The following DNAI7 variants were observed in gnomAD, a reference collection of about 807,000 sequenced individuals.
The protein encoded by DNAI7 is cancer susceptibility 1.
In DNAI7, 78 loss-of-function variants were observed where a neutral mutation model predicts 86.6. The observed-to-expected ratio is 0.90, with a 90% CI of 0.75 to 1.09. The LOEUF (loss-of-function observed/expected upper bound fraction) is 1.09. Ranked by LOEUF, DNAI7 falls within the 50% of genes least tolerant of loss-of-function variation. DNAI7 has a pLI of 0.00. For synonymous variants in DNAI7, 274 were observed against 273.0 expected (o/e 1.00, Z -0.04); for missense variants, 753 against 810.2 (o/e 0.93, Z 0.86).
chr12:25,164,617 T>G (rs1019226349), intron 2 of DNAI7, among the ~76,000 whole-genome samples: 1 of 152,110 alleles, frequency 6.6e-6, no homozygotes, highest in South Asian at 2.1e-4. Context: ...TGTCACAAAA[T>G]AGGCAAACGG....
intron 3 of DNAI7, 138 bp from the exon 4 acceptor site, chr12:25,158,701 G>A (rs1946500252): frequency 2.0e-6 from 3 of 1,489,590 alleles, no homozygotes; most frequent in Non-Finnish European, 2.7e-6. Context: ...TGGTAGATAT[G>A]AGAAAAGTGT....
At chr12:25,161,273 T>C in intron 2 of DNAI7, 76 bp from the exon 3 acceptor site, 9 of 1,279,320 alleles carry the variant, frequency 7.0e-6, no homozygotes, top group Middle Eastern at 1.8e-4. Flanking sequence ...CAAATACTAA[T>C]TATGAAAAAC....
chr12:25,134,379 CAG>C (rs1167708746), intron 9 of DNAI7, among the ~76,000 whole-genome samples: 2 of 65,314 alleles, frequency 3.1e-5, no homozygotes, highest in African/African-American at 5.4e-5. Context: ...TTTTTTGAGA[CAG>C]AGTCTCACTC....
intron 7 of DNAI7, among the ~76,000 whole-genome samples, chr12:25,147,864 A>T (rs1945068036): frequency 6.6e-6 from 1 of 152,208 alleles, no homozygotes; most frequent in Non-Finnish European, 1.5e-5. Context: ...CAAAATATCT[A>T]GCTTATAAAA....
At chr12:25,117,069 G>GGTAGGA (rs1940263296) in intron 12 of DNAI7, among the ~76,000 whole-genome samples, 1 of 150,706 alleles carries the variant, frequency 6.6e-6, no homozygotes, top group South Asian at 2.1e-4. Flanking sequence ...GGGTAGCTGG[G>GGTAGGA]ACTACAGGCA....
intron 9 of DNAI7, among the ~76,000 whole-genome samples, chr12:25,136,065 G>A (rs970523482): frequency 1.1e-4 from 17 of 152,114 alleles, no homozygotes; most frequent in African/African-American, 3.9e-4. Context: ...TCTTGAAAGC[G>A]CCACCTCCTG....
chr12:25,168,350 C>T (rs995549104), intron 2 of DNAI7, among the ~76,000 whole-genome samples: 2 of 152,066 alleles, frequency 1.3e-5, no homozygotes, highest in African/African-American at 2.4e-5. Context: ...CCTCTGACAC[C>T]GACACGACAA....
At chr12:25,173,831 C>T (rs955241396) in intron 2 of DNAI7, among the ~76,000 whole-genome samples, 2 of 136,082 alleles carry the variant, frequency 1.5e-5, no homozygotes, top group African/African-American at 3.0e-5. Flanking sequence ...CATATATATA[C>T]CACATCATAT....
rs988112038 is a variant in DNAI7 at position 25,173,780 on chromosome 12, T to TAC, written c.22-12585_22-12584dup. Among the ~76,000 whole-genome samples the TAC allele has an allele frequency of 3.3e-5, 5 of 151,186 alleles. No individual in the cohort carries two copies. In the Admixed American group the frequency reaches 3.3e-4, roughly 10 times the overall value. Reference sequence around the variant, plus strand: ...CACATGCACACACAAATCATATATATACACACATCATATATATACACACAC... The same window carrying TAC: ...CACATGCACACACAAATCATATATATACACACACATCATATATATACACACAC... On this transcript the variant is annotated intron_variant, in intron 2 of 15. Transcript: ENST00000395987.
chr12:25,118,333 G>T (rs1565636512), intron 12 of DNAI7, among the ~76,000 whole-genome samples: 1 of 151,836 alleles, frequency 6.6e-6, no homozygotes, highest in Admixed American at 6.6e-5. Flanking sequence ...GCGCCATCTT[G>T]GCTCACTGCA....
At chr12:25,155,043 A>G (rs1945985172) in intron 5 of DNAI7, among the ~76,000 whole-genome samples, 1 of 152,206 alleles carries the variant, frequency 6.6e-6, no homozygotes, top group Non-Finnish European at 1.5e-5. Flanking sequence ...CAAAGCTTTT[A>G]CGTTTTAATT....
chr12:25,137,639 C>G (rs1180496650), intron 9 of DNAI7, among the ~76,000 whole-genome samples: 2 of 152,094 alleles, frequency 1.3e-5, no homozygotes, highest in Non-Finnish European at 2.9e-5. Context: ...AACCTGTTGT[C>G]TCCAAGAGAC....
intron 2 of DNAI7, among the ~76,000 whole-genome samples, chr12:25,162,935 G>A (rs973517111): frequency 6.6e-6 from 1 of 152,184 alleles, no homozygotes; most frequent in Non-Finnish European, 1.5e-5. Context: ...TCCAGATTGT[G>A]AATTTTAGCT....
At chr12:25,139,739 C>T (rs1321755455) in intron 9 of DNAI7, among the ~76,000 whole-genome samples, 1 of 152,040 alleles carries the variant, frequency 6.6e-6, no homozygotes, top group Non-Finnish European at 1.5e-5. Context: ...AGGAGAAATA[C>T]CTAATGTAGA....
At chr12:25,164,618 A>G (rs1382875076) in intron 2 of DNAI7, among the ~76,000 whole-genome samples, 5 of 152,324 alleles carry the variant, frequency 3.3e-5, no homozygotes, top group Admixed American at 1.3e-4. Flanking sequence ...GTCACAAAAT[A>G]GGCAAACGGT....
chr12:25,190,812 TAA>T (rs1950450109), intron 1 of DNAI7, among the ~76,000 whole-genome samples, 181 bp from the exon 2 acceptor site: 1 of 152,198 alleles, frequency 6.6e-6, no homozygotes, highest in South Asian at 2.1e-4. Context: ...AATGCTTTTT[TAA>T]AAAGAGTTCA....
intron 2 of DNAI7, among the ~76,000 whole-genome samples, chr12:25,180,267 C>T (rs557082493): frequency 6.6e-6 from 1 of 152,214 alleles, no homozygotes; most frequent in South Asian, 2.1e-4. Flanking sequence ...AACTACAAAA[C>T]ACTGCTGAAA....
At position 25,121,946 on chromosome 12, in the gene DNAI7, G is replaced by A. The variant is rs199752716; in HGVS notation, c.1079-33C>T. On this transcript the variant is annotated intron_variant, in intron 10 of 15. Coordinates refer to ENST00000395987, the MANE Select transcript of DNAI7 (RefSeq NM_018272.5). ...TAATCAGATTAACAGTTTTCAAATA[G>A]ATTACAGTTTAGTATGTTCTTAGGA... The A allele has an allele frequency of 1.2e-4, 174 of 1,435,590 alleles. No individual in the cohort carries two copies. In the African/African-American group the frequency reaches 2.1e-3, roughly 17 times the overall value. The allele number at this position is 1,435,590 out of a possible 1,614,324, so 88.9% of individuals were successfully genotyped here.
At chr12:25,177,009 TC>T (rs1329461729) in intron 2 of DNAI7, among the ~76,000 whole-genome samples, 1 of 151,246 alleles carries the variant, frequency 6.6e-6, no homozygotes, top group Non-Finnish European at 1.5e-5. Flanking sequence ...TTCAAGCAAT[TC>T]TCCTGCCTCA....
Sources: gnomAD v4.1 joint callset for allele counts (sites outside exome capture counted in the v4.1 genomes callset) on GRCh38, gnomAD v4.1.1 for gene constraint, MANE v1.5 for transcripts, NCBI Gene and HGNC (gene_info 2026-07-23, HGNC 2026-07-21) for gene names.